The following CDC42BPB variants were observed in gnomAD, a reference collection of about 807,000 sequenced individuals.
The protein encoded by CDC42BPB is CDC42 binding protein kinase beta.
In CDC42BPB, 37 loss-of-function variants were observed where a neutral mutation model predicts 214.9. That is an observed-to-expected ratio of 0.17 (90% CI 0.13 to 0.23). The LOEUF (loss-of-function observed/expected upper bound fraction) is 0.23, where lower values mean the gene tolerates loss of function less well. Ranked by LOEUF, CDC42BPB falls within the 10% of genes least tolerant of loss-of-function variation. CDC42BPB has a pLI of 1.00. For missense variants in CDC42BPB, 1,694 were observed against 2,227.0 expected, an observed-to-expected ratio of 0.76 and a Z score of 4.82; for synonymous variants, 931 against 884.0, an observed-to-expected ratio of 1.05 and a Z score of -0.94.
Position 103,016,039 on chromosome 14 carries a change from G to T in CDC42BPB, c.176-3851C>A, listed in dbSNP as rs886714324. ...CCGAGGCTGGAATTTTTAAAACTTAGAAACCTGGACAAAGGGCCCTGTAAA... is the reference window on the plus strand; with the variant it reads ...CCGAGGCTGGAATTTTTAAAACTTATAAACCTGGACAAAGGGCCCTGTAAA... On this transcript the variant is annotated intron_variant, in intron 1 of 36. Coordinates refer to ENST00000361246, the MANE Select transcript of CDC42BPB (RefSeq NM_006035.4). Among the ~76,000 whole-genome samples the T allele has an allele frequency of 2.6e-5, 4 of 152,262 alleles. No homozygotes were observed. The South Asian group carries it at 8.3e-4, about 32-fold the overall frequency.
chr14:102,941,170 C>G (rs528498526), intron 30 of CDC42BPB: 1 of 985,350 alleles, frequency 1.0e-6, no homozygotes, highest in South Asian at 4.7e-5. Flanking sequence ...AGCCCCTCAG[C>G]GTAGCTTGGC....
At chr14:103,032,865 C>A (rs567309692) in intron 1 of CDC42BPB, among the ~76,000 whole-genome samples, 1 of 149,262 alleles carries the variant, frequency 6.7e-6, no homozygotes, top group Non-Finnish European at 1.5e-5. Flanking sequence ...GATCCACCTG[C>A]CTCAGCCTCC....
chr14:102,985,673 T>TCCG (rs910879058), intron 6 of CDC42BPB, among the ~76,000 whole-genome samples: 5 of 152,216 alleles, frequency 3.3e-5, no homozygotes, highest in African/African-American at 1.2e-4. Context: ...TGCTTGAAAA[T>TCCG]CCGCCAGTAG....
intron 30 of CDC42BPB, chr14:102,941,636 G>C (rs1891894799): frequency 1.2e-6 from 1 of 827,926 alleles, no homozygotes; most frequent in South Asian, 5.5e-5. Flanking sequence ...AAGAAGTCTA[G>C]TTTGCTGACT....
intron 14 of CDC42BPB, 109 bp downstream of exon 14, chr14:102,970,042 G>C: frequency 1.2e-6 from 1 of 850,248 alleles, no homozygotes; most frequent in Middle Eastern, 3.5e-4. Flanking sequence ...ACAGCCTCGG[G>C]TGACACTCGG....
intron 28 of CDC42BPB, 29 bp from the exon 29 acceptor site, chr14:102,945,753 G>C (rs1268021293): frequency 6.2e-7 from 1 of 1,605,452 alleles, no homozygotes; most frequent in African/African-American, 1.3e-5. Context: ...CATACACAAA[G>C]TCAGTACAGC....
At chr14:103,032,630 C>CTTT (rs35712321) in intron 1 of CDC42BPB, among the ~76,000 whole-genome samples, 6 of 109,012 alleles carry the variant, frequency 5.5e-5, no homozygotes, top group Admixed American at 9.9e-5. Context: ...AACAAATCCA[C>CTTT]TTTTTTTTTT....
intron 1 of CDC42BPB, among the ~76,000 whole-genome samples, chr14:103,034,813 G>A (rs1386988787): frequency 6.4e-5 from 9 of 141,262 alleles, no homozygotes; most frequent in South Asian, 2.2e-4. Context: ...GTGAGACTCC[G>A]TCTCCAAAAA....
At chr14:103,042,825 C>A (rs1888082356) in intron 1 of CDC42BPB, among the ~76,000 whole-genome samples, 1 of 152,138 alleles carries the variant, frequency 6.6e-6, no homozygotes, top group Non-Finnish European at 1.5e-5. Flanking sequence ...CCCTTGTGGG[C>A]TGCTGGTGGG....
At chr14:102,986,761 TC>T (rs1407680943) in intron 5 of CDC42BPB, 181 bp from the exon 6 acceptor site, 1 of 982,946 alleles carries the variant, frequency 1.0e-6, no homozygotes, top group Non-Finnish European at 1.2e-6. Flanking sequence ...CGAAGTCGTA[TC>T]ACTGCCCCTC....
intron 1 of CDC42BPB, among the ~76,000 whole-genome samples, chr14:103,018,473 A>G (rs1008220193): frequency 6.6e-6 from 1 of 152,236 alleles, no homozygotes; most frequent in African/African-American, 2.4e-5. Context: ...TAAGATAACA[A>G]TGGTGGCTTA....
chr14:102,970,265 CA>C lies in CDC42BPB; in HGVS notation c.1885-5del. ...CATCATCAAGCTGAGCTTCCAGCTA[CA>C]AAAGGAAGATCCAGTTTCTATTAAC... On this transcript the variant is annotated splice_region_variant and splice_polypyrimidine_tract_variant and intron_variant, in intron 13 of 36. Coordinates refer to ENST00000361246, the MANE Select transcript of CDC42BPB (RefSeq NM_006035.4). 6.2e-7 allele frequency: 1 copy of C among 1,609,290 alleles called. No homozygotes were observed. The highest frequency in any genetic ancestry group is 8.5e-7 in the Non-Finnish European group (1 of 1,177,642).
intron 21 of CDC42BPB, among the ~76,000 whole-genome samples, chr14:102,959,137 A>C (rs892578790): frequency 3.3e-5 from 5 of 151,872 alleles, no homozygotes; most frequent in African/African-American, 4.8e-5. Flanking sequence ...TCTCTACTAA[A>C]AATACAAAAA....
chr14:103,029,279 C>T (rs1490081047), intron 1 of CDC42BPB, among the ~76,000 whole-genome samples: 1 of 152,168 alleles, frequency 6.6e-6, no homozygotes, highest in Non-Finnish European at 1.5e-5. Context: ...TGCTAAATTA[C>T]GCTTGTAATC....
At chr14:102,961,829 C>T (rs1439690591) in intron 20 of CDC42BPB, among the ~76,000 whole-genome samples, 1 of 152,154 alleles carries the variant, frequency 6.6e-6, no homozygotes, top group Non-Finnish European at 1.5e-5. Flanking sequence ...AGGCGTGAGC[C>T]ACCGCACCGG....
In CDC42BPB at chr14:102,986,474, C is replaced by T. The variant is rs1894252067; in HGVS notation, c.690+13G>A. ...CCAAAACCAAATGGAAAATCTCCAA[C>T]AAAAATACCTACAGTGCCATCATCA... is the stretch of plus-strand genomic sequence containing the variant. On this transcript the variant is annotated intron_variant, in intron 6 of 36. Coordinates refer to ENST00000361246, the MANE Select transcript of CDC42BPB (RefSeq NM_006035.4). 1 of 1,603,886 alleles carries T rather than the reference C, an allele frequency of 6.2e-7. No individual in the cohort carries two copies. The highest frequency in any genetic ancestry group is 8.5e-7 in the Non-Finnish European group (1 of 1,172,906).
chr14:102,995,613 C>T lies in CDC42BPB; in HGVS notation c.596+3952G>A, dbSNP rs943358692. On this transcript the variant is annotated intron_variant, in intron 5 of 36. Transcript: ENST00000361246. ...CTGGTCTGCCACTGATTTCCTCACC[C>T]GGAAGGCTTTTGGGGTCCAGCTGCG... 5.9e-5 allele frequency among the ~76,000 whole-genome samples: 9 copies of T among 152,342 alleles called. No homozygotes were observed. In the East Asian group the frequency reaches 7.7e-4, roughly 13 times the overall value.
Position 102,933,820 on chromosome 14 carries a change from G to A in CDC42BPB, c.5028C>T (p.His1676=), listed in dbSNP as rs535677589. 1.5e-4 allele frequency: 230 copies of A among 1,521,140 alleles called. 2 individuals carry two copies. The Admixed American group carries it at 5.4e-3, about 36-fold the overall frequency. The allele number at this position is 1,521,140 out of a possible 1,614,324, so 94.2% of individuals were successfully genotyped here. The change falls in exon 37 of 37, where the codon CAC becomes CAT. Residue 1676 remains histidine (H), a synonymous_variant. Coordinates refer to ENST00000361246, the MANE Select transcript of CDC42BPB (RefSeq NM_006035.4). ...GGTTGGAGCTATTCGATGGAGTTGAGTGTTTGGTGGAGTCCGAATCAGGCT... is the reference window on the plus strand; with the variant it reads ...GGTTGGAGCTATTCGATGGAGTTGAATGTTTGGTGGAGTCCGAATCAGGCT... ...DKEPDSDSTK[H]STPSNSSNPS... is the part of the protein sequence containing the mutation.
At chr14:102,987,806 C>CAT (rs980300058) in intron 5 of CDC42BPB, among the ~76,000 whole-genome samples, 1 of 151,456 alleles carries the variant, frequency 6.6e-6, no homozygotes, top group Non-Finnish European at 1.5e-5. Context: ...CACACACACA[C>CAT]ACACACACAC....
Sources: gnomAD v4.1 joint callset for allele counts (sites outside exome capture counted in the v4.1 genomes callset) on GRCh38, gnomAD v4.1.1 for gene constraint, MANE v1.5 for transcripts, NCBI Gene and HGNC (gene_info 2026-07-23, HGNC 2026-07-21) for gene names.